CTNNA3: variants seen among roughly 807,000 people sequenced by gnomAD.
The protein encoded by CTNNA3 is catenin alpha-3.
In CTNNA3, 76 loss-of-function variants were observed where a neutral mutation model predicts 95.7. That is an observed-to-expected ratio of 0.79 (90% CI 0.66 to 0.96). CTNNA3 has a LOEUF of 0.96. CTNNA3 is among the 40% of genes least tolerant of loss of function. CTNNA3 has a pLI of 0.00. For missense variants in CTNNA3, 1,191 were observed against 1,089.8 expected (o/e 1.09, Z -1.31); for synonymous variants, 431 against 374.4 (o/e 1.15, Z -1.74).
chr10:67,068,674 T>C (rs746569881), intron 7 of CTNNA3, among the ~76,000 whole-genome samples: 21 of 152,140 alleles, frequency 1.4e-4, no homozygotes, highest in Non-Finnish European at 2.8e-4. Context: ...TTTAATAAAA[T>C]GAGTTATCAA....
At chr10:66,818,263 T>C (rs1243253025) in intron 7 of CTNNA3, among the ~76,000 whole-genome samples, 1 of 151,978 alleles carries the variant, frequency 6.6e-6, no homozygotes, top group Non-Finnish European at 1.5e-5. Context: ...GACTTAACAT[T>C]GTGCTGGAAT....
At chr10:66,768,734 T>C (rs181610359) in intron 8 of CTNNA3, among the ~76,000 whole-genome samples, 2 of 152,008 alleles carry the variant, frequency 1.3e-5, no homozygotes, top group African/African-American at 2.4e-5. Context: ...GAGTGAATAT[T>C]ACAATAATAC....
intron 3 of CTNNA3, among the ~76,000 whole-genome samples, chr10:67,554,853 G>C (rs558995339): frequency 6.6e-6 from 1 of 152,172 alleles, no homozygotes; most frequent in Non-Finnish European, 1.5e-5. Flanking sequence ...GAATGGTGTT[G>C]CCTAGGTTTT....
chr10:67,452,227 T>C (rs1305417492), intron 5 of CTNNA3, among the ~76,000 whole-genome samples: 1 of 152,120 alleles, frequency 6.6e-6, no homozygotes, highest in Non-Finnish European at 1.5e-5. Context: ...ATATAATGTT[T>C]GCAATACCCT....
At chr10:67,726,631 T>G (rs1242462840) in intron 1 of CTNNA3, among the ~76,000 whole-genome samples, 7 of 5,750 alleles carry the variant, frequency 1.2e-3, no homozygotes, top group Non-Finnish European at 2.1e-3. Flanking sequence ...ATATATTATA[T>G]TATATATAAT....
chr10:66,878,344 G>A (rs1280555618), intron 7 of CTNNA3, among the ~76,000 whole-genome samples: 2 of 152,036 alleles, frequency 1.3e-5, no homozygotes, highest in Non-Finnish European at 2.9e-5. Context: ...TTGAAACGAG[G>A]CATCACACCC....
rs575990650 is a variant in CTNNA3 at position 67,432,608 on chromosome 10, C to G, written c.579+89234G>C. On this transcript the variant is annotated intron_variant, in intron 5 of 17. Coordinates refer to ENST00000433211, the MANE Select transcript of CTNNA3 (RefSeq NM_013266.4). ...TCCTCTATGTGCCTGTGCCAAAACT[C>G]TCTCTGCCTTTTTCATATAAAATAC... Among the ~76,000 whole-genome samples the G allele has an allele frequency of 1.8e-4, 27 of 152,142 alleles. 1 individual carries two copies. Among genetic ancestry groups the G allele is most frequent in the Non-Finnish European group, 4.0e-4 (27 of 67,962 alleles).
intron 7 of CTNNA3, among the ~76,000 whole-genome samples, chr10:66,778,678 T>TAA (rs112869994): frequency 2.0e-5 from 3 of 148,700 alleles, no homozygotes; most frequent in Admixed American, 6.7e-5. Flanking sequence ...AAGACTTTAT[T>TAA]AAAAAAAAAA....
At chr10:66,519,289 T>G (rs1226623823) in intron 11 of CTNNA3, among the ~76,000 whole-genome samples, 2 of 151,990 alleles carry the variant, frequency 1.3e-5, no homozygotes, top group African/African-American at 2.4e-5. Flanking sequence ...TTCTAATTTG[T>G]GATGAGATAA....
chr10:66,429,548 T>A (rs1159878669), intron 11 of CTNNA3, among the ~76,000 whole-genome samples: 1 of 152,154 alleles, frequency 6.6e-6, no homozygotes, highest in African/African-American at 2.4e-5. Flanking sequence ...AAAAAGCTTA[T>A]CCACCACGAT....
chr10:66,360,993 A>G (rs919620355), intron 12 of CTNNA3, among the ~76,000 whole-genome samples: 3 of 146,956 alleles, frequency 2.0e-5, no homozygotes. Context: ...GTCTCACTCC[A>G]TCACCCCAGC....
chr10:67,229,267 A>G (rs1865076310), intron 5 of CTNNA3, among the ~76,000 whole-genome samples: 1 of 152,212 alleles, frequency 6.6e-6, no homozygotes, highest in Admixed American at 6.5e-5. Flanking sequence ...AAAATCCAGG[A>G]TCCATTTATA....
chr10:67,395,322 A>G (rs74144411), intron 5 of CTNNA3, among the ~76,000 whole-genome samples: 35 of 152,314 alleles, frequency 2.3e-4, no homozygotes, highest in African/African-American at 8.4e-4. Context: ...TTCTGTTAGG[A>G]GAAAAACTGT....
At chr10:67,654,913 C>A (rs1046571253) in intron 1 of CTNNA3, among the ~76,000 whole-genome samples, 2 of 152,040 alleles carry the variant, frequency 1.3e-5, no homozygotes, top group Non-Finnish European at 2.9e-5. Flanking sequence ...TGTGAACATT[C>A]AAAATTCCAT....
intron 1 of CTNNA3, among the ~76,000 whole-genome samples, chr10:67,740,138 A>G (rs1418929218): frequency 6.6e-6 from 1 of 152,152 alleles, no homozygotes; most frequent in Non-Finnish European, 1.5e-5. Flanking sequence ...CCTTCCTTAC[A>G]CCTTATACAA....
chr10:66,215,977 C>T (rs955558482), intron 13 of CTNNA3, among the ~76,000 whole-genome samples: 1 of 152,208 alleles, frequency 6.6e-6, no homozygotes, highest in African/African-American at 2.4e-5. Context: ...TCTCAAGCCT[C>T]CTGTGCTTTT....
intron 14 of CTNNA3, among the ~76,000 whole-genome samples, chr10:66,096,494 TTTTTTTC>T (rs1397952332): frequency 1.3e-5 from 2 of 151,114 alleles, no homozygotes; most frequent in Non-Finnish European, 2.9e-5. Context: ...TTAAATGTTG[TTTTTTTC>T]TTTTTTCTTT....
rs369164439 is a variant in CTNNA3 at position 67,276,573 on chromosome 10, A to C, written c.580-56703T>G. Among the ~76,000 whole-genome samples, 2 of 152,150 alleles carry C rather than the reference A, an allele frequency of 1.3e-5. 1 individual carries two copies. Among genetic ancestry groups the C allele is most frequent in the South Asian group, 4.1e-4 (2 of 4,836 alleles). ...TGCATCCATTGTATTTGTATTTTTTAATTAATTCTATGGGGCAATGTGTGA... is the reference window on the plus strand; with the variant it reads ...TGCATCCATTGTATTTGTATTTTTTCATTAATTCTATGGGGCAATGTGTGA... On this transcript the variant is annotated intron_variant, in intron 5 of 17. Transcript: ENST00000433211.
chr10:66,442,838 C>T (rs111279201), intron 11 of CTNNA3, among the ~76,000 whole-genome samples: 20 of 152,196 alleles, frequency 1.3e-4, no homozygotes, highest in South Asian at 4.1e-4. Flanking sequence ...GCACCATGCA[C>T]GAGCCAAAGC....
Sources: gnomAD v4.1 joint callset for allele counts (sites outside exome capture counted in the v4.1 genomes callset) on GRCh38, gnomAD v4.1.1 for gene constraint, MANE v1.5 for transcripts, NCBI Gene and HGNC (gene_info 2026-07-23, HGNC 2026-07-21) for gene names.